ZFHX3: variants seen among roughly 807,000 people sequenced by gnomAD.
ZFHX3 encodes zinc finger homeobox 3.
A neutral mutation model predicts 279.1 loss-of-function variants in ZFHX3; 42 were observed. The observed-to-expected ratio is 0.15, with a 90% CI of 0.12 to 0.19. The LOEUF is 0.19. Among genes scored for constraint, ZFHX3 ranks in the 10% least tolerant of loss-of-function variants. The probability of loss-of-function intolerance (pLI) is 1.00; values close to 1 mark genes in which losing one functional copy is unlikely to be tolerated. For missense variants in ZFHX3, 4,981 were observed against 4,754.0 expected (o/e 1.05, Z -1.40); for synonymous variants, 2,293 against 1,957.8 (o/e 1.17, Z -4.52).
intron 1 of ZFHX3, among the ~76,000 whole-genome samples, chr16:73,037,617 C>T (rs1260659661): frequency 6.6e-6 from 1 of 152,166 alleles, no homozygotes; most frequent in Non-Finnish European, 1.5e-5. Context: ...TGGCACTGTA[C>T]AAGATGGGGG....
chr16:72,957,648 A>T lies in ZFHX3; in HGVS notation c.2498T>A (p.Met833Lys), dbSNP rs1597014147. The change falls in exon 2 of 10, where the codon ATG becomes AAG. Residue 833 changes from methionine (M) to lysine (K), a missense_variant. Coordinates refer to ENST00000268489, the MANE Select transcript of ZFHX3 (RefSeq NM_006885.4). Reference sequence around the variant, plus strand: ...CTGGGTCATGTTCTGTTGCAGTAACATCATGTTATGCATGTGCTTCTCACT... The same window carrying T: ...CTGGGTCATGTTCTGTTGCAGTAACTTCATGTTATGCATGTGCTTCTCACT... ...MTSEKHMHNM[M>K]LLQQNMTQIQ... 9.9e-6 allele frequency: 16 copies of T among 1,614,164 alleles called. No individual in the cohort carries two copies. Among genetic ancestry groups the T allele is most frequent in the Non-Finnish European group, 1.3e-5 (15 of 1,180,040 alleles).
intron 1 of ZFHX3, among the ~76,000 whole-genome samples, chr16:73,714,391 G>A (rs868794035): frequency 6.6e-6 from 1 of 152,138 alleles, no homozygotes; most frequent in Non-Finnish European, 1.5e-5. Context: ...GCACGGGTTA[G>A]GGGACTCCAT....
chr16:73,117,585 G>A (rs1356362936), intron 7 of ZFHX3, among the ~76,000 whole-genome samples: 2 of 152,228 alleles, frequency 1.3e-5, no homozygotes, highest in Non-Finnish European at 2.9e-5. Flanking sequence ...TATTGCTAAA[G>A]AAATGGCAAG....
Position 73,331,149 on chromosome 16 carries a change from T to C in ZFHX3, c.-1290-12813A>G, listed in dbSNP as rs565071574. 2.4e-3 allele frequency among the ~76,000 whole-genome samples: 372 copies of C among 152,304 alleles called. 2 individuals are homozygous for C. The highest frequency in any genetic ancestry group is 8.3e-3 in the South Asian group (40 of 4,828). ...AGCAAACACACCCTTCTTCACATGGTGGCAGGAGAGACAAGTGCAGAGTGA... is the reference window on the plus strand; with the variant it reads ...AGCAAACACACCCTTCTTCACATGGCGGCAGGAGAGACAAGTGCAGAGTGA... On this transcript the variant is annotated intron_variant, in intron 3 of 17. Transcript: ENST00000641206.
At chr16:73,197,083 A>T (rs1382144754) in intron 5 of ZFHX3, among the ~76,000 whole-genome samples, 1 of 152,132 alleles carries the variant, frequency 6.6e-6, no homozygotes, top group African/African-American at 2.4e-5. Context: ...CTTTAAAACC[A>T]TCATGTTAAA....
chr16:73,512,184 C>A (rs1377390677), intron 2 of ZFHX3, among the ~76,000 whole-genome samples: 2 of 150,400 alleles, frequency 1.3e-5, no homozygotes, highest in Non-Finnish European at 2.9e-5. Context: ...AATCCCAGCA[C>A]TTTGGGGGAC....
At chr16:73,777,508 C>A (rs79707440) in intron 1 of ZFHX3, among the ~76,000 whole-genome samples, 114 of 62,644 alleles carry the variant, frequency 1.8e-3, no homozygotes, top group Middle Eastern at 0.017. Context: ...GACTCTGTCT[C>A]AAAAAAAAAA....
chr16:73,711,686 G>C (rs887060128), intron 1 of ZFHX3, among the ~76,000 whole-genome samples: 10 of 152,170 alleles, frequency 6.6e-5, no homozygotes, highest in South Asian at 2.1e-4. Flanking sequence ...AGAGAGAGGA[G>C]AAAAAATAAG....
At chr16:72,976,609 G>C (rs557856256) in intron 1 of ZFHX3, among the ~76,000 whole-genome samples, 2 of 152,294 alleles carry the variant, frequency 1.3e-5, no homozygotes, top group South Asian at 2.1e-4. Context: ...TCAGGACCCC[G>C]GTAGAAATGG....
chr16:72,841,010 T>C (rs1403109397), intron 4 of ZFHX3, among the ~76,000 whole-genome samples: 1 of 152,164 alleles, frequency 6.6e-6, no homozygotes, highest in Non-Finnish European at 1.5e-5. Flanking sequence ...ACTACGTATT[T>C]ACAGGTTGCA....
intron 3 of ZFHX3, among the ~76,000 whole-genome samples, chr16:73,373,872 G>A (rs1457835032): frequency 6.6e-6 from 1 of 152,160 alleles, no homozygotes; most frequent in African/African-American, 2.4e-5. Context: ...GCAAACTTTG[G>A]ACTCAAATCA....
At chr16:73,463,602 G>A (rs1467700730) in intron 2 of ZFHX3, among the ~76,000 whole-genome samples, 1 of 152,130 alleles carries the variant, frequency 6.6e-6, no homozygotes, top group African/African-American at 2.4e-5. Flanking sequence ...CATTGAGGAT[G>A]TTTCCTCTGG....
chr16:73,689,811 T>G (rs1344840384), intron 1 of ZFHX3, among the ~76,000 whole-genome samples: 4 of 150,488 alleles, frequency 2.7e-5, no homozygotes, highest in Non-Finnish European at 4.4e-5. Flanking sequence ...CAGTTTTTTG[T>G]TTTTTGTTTT....
chr16:72,975,003 C>G (rs556491509), intron 1 of ZFHX3, among the ~76,000 whole-genome samples: 1 of 152,256 alleles, frequency 6.6e-6, no homozygotes, highest in South Asian at 2.1e-4. Flanking sequence ...AGAGTTGCTC[C>G]TATCTCGATT....
At chr16:73,205,467 T>C (rs146419849) in intron 5 of ZFHX3, among the ~76,000 whole-genome samples, 7 of 152,254 alleles carry the variant, frequency 4.6e-5, no homozygotes, top group Admixed American at 1.3e-4. Flanking sequence ...ATCTGCAAGA[T>C]TGATTAAAAA....
chr16:73,205,198 T>C (rs976031687), intron 5 of ZFHX3, among the ~76,000 whole-genome samples: 3 of 152,108 alleles, frequency 2.0e-5, no homozygotes, highest in Non-Finnish European at 4.4e-5. Flanking sequence ...CAGAGGCCTC[T>C]CGAGAAAGGG....
chr16:73,784,786 T>A lies in ZFHX3; in HGVS notation c.-1607-104546A>T, dbSNP rs59004706. Among the ~76,000 whole-genome samples the A allele has an allele frequency of 7.9e-3, 1,058 of 133,640 alleles. 18 individuals are homozygous for A. Among genetic ancestry groups the A allele is most frequent in the African/African-American group, 0.027 (929 of 33,858 alleles). The allele number at this position is 133,640 out of a possible 152,430, so 87.7% of individuals were successfully genotyped here. A position where few individuals can be genotyped will look rare whatever the true frequency, so the allele number is the denominator to read the frequency against. ...TTTTAAAAAACTATTTTTAACAAAA[T>A]AAAAAAAAAAATATATATATATATA... On this transcript the variant is annotated intron_variant, in intron 1 of 17. Coordinates refer to the ZFHX3 transcript ENST00000641206.
At chr16:73,396,960 C>G (rs780123144) in intron 3 of ZFHX3, among the ~76,000 whole-genome samples, 1 of 152,228 alleles carries the variant, frequency 6.6e-6, no homozygotes, top group Non-Finnish European at 1.5e-5. Flanking sequence ...TCCGCCCAGA[C>G]CTTAACACTG....
intron 1 of ZFHX3, among the ~76,000 whole-genome samples, chr16:73,809,974 C>G (rs1414901746): frequency 2.6e-5 from 4 of 152,144 alleles, no homozygotes; most frequent in African/African-American, 4.8e-5. Flanking sequence ...TTCTTGCACT[C>G]CACACATTGC....
Sources: gnomAD v4.1 joint callset for allele counts (sites outside exome capture counted in the v4.1 genomes callset) on GRCh38, gnomAD v4.1.1 for gene constraint, MANE v1.5 for transcripts, NCBI Gene and HGNC (gene_info 2026-07-23, HGNC 2026-07-21) for gene names.